MYH7B: variants seen among roughly 807,000 people sequenced by gnomAD.
MYH7B encodes the protein myosin heavy chain 7B.
A neutral mutation model predicts 234.5 loss-of-function variants in MYH7B; 205 were observed. That is an observed-to-expected ratio of 0.87 (90% CI 0.78 to 0.98). The LOEUF (loss-of-function observed/expected upper bound fraction) is 0.98, where lower values mean the gene tolerates loss of function less well. MYH7B is among the 50% of genes least tolerant of loss of function. The probability of loss-of-function intolerance (pLI) is 0.00; values close to 1 mark genes in which losing one functional copy is unlikely to be tolerated. For missense variants in MYH7B, 2,652 were observed against 2,633.4 expected (o/e 1.01, Z -0.15); for synonymous variants, 1,193 against 1,105.0 (o/e 1.08, Z -1.58).
chr20:34,996,436 C>T lies in MYH7B; in HGVS notation c.3034C>T (p.Gln1012Ter). 1.2e-6 allele frequency: 2 copies of T among 1,613,542 alleles called. No homozygotes were observed. The highest frequency in any genetic ancestry group is 1.7e-6 in the Non-Finnish European group (2 of 1,179,926). Residue 1012 changes from glutamine to a stop codon, truncating the protein, a stop_gained, in exon 29 of 45, where the codon CAG becomes TAG. Transcript: ENST00000262873. LOFTEE classifies it high-confidence loss of function. ...GAAGGCGTTGCAGGAGGCCCACCAA[C>T]AGGCCCTGGGTGACCTGCAGGCCGA...
chr20:34,999,560 G>A lies in MYH7B; in HGVS notation c.4541-11G>A. The A allele has an allele frequency of 3.1e-6, 5 of 1,593,938 alleles. No homozygotes were observed. Among genetic ancestry groups the A allele is most frequent in the Non-Finnish European group, 4.3e-6 (5 of 1,170,022 alleles). On this transcript the variant is annotated splice_polypyrimidine_tract_variant and intron_variant, in intron 36 of 44. Coordinates refer to ENST00000262873, the Ensembl canonical transcript of MYH7B. Reference sequence around the variant, plus strand: ...CATGGGGGTGGCCTCTCAGCACCCTGTCCACTGCAGAGGAGATCAGCGACC... The same window carrying A: ...CATGGGGGTGGCCTCTCAGCACCCTATCCACTGCAGAGGAGATCAGCGACC...
chr20:34,976,005 T>G (rs2081849634), intron 3 of MYH7B, among the ~76,000 whole-genome samples: 1 of 152,228 alleles, frequency 6.6e-6, no homozygotes, highest in African/African-American at 2.4e-5. Flanking sequence ...CGTGAGCCAC[T>G]GCGCTTGGCC....
At chr20:34,978,762 C>G (rs1001894100) in intron 5 of MYH7B, among the ~76,000 whole-genome samples, 3 of 152,114 alleles carry the variant, frequency 2.0e-5, no homozygotes, top group Non-Finnish European at 4.4e-5. Flanking sequence ...GGACCCACAT[C>G]GTCATTTTGT....
chr20:35,001,809 G>GTATT, intron 43 of MYH7B, 139 bp from the exon 44 acceptor site: 1 of 1,330,776 alleles, frequency 7.5e-7, no homozygotes, highest in Non-Finnish European at 1.0e-6. Context: ...TCCCGCTGTG[G>GTATT]TATTGGTGAG....
intron 14 of MYH7B, 109 bp from the exon 15 acceptor site, chr20:34,986,777 T>A: frequency 1.2e-6 from 1 of 850,638 alleles, no homozygotes; most frequent in Non-Finnish European, 2.0e-6. Flanking sequence ...GGGAGGGCCC[T>A]AGACTCCTGC....
At chr20:34,988,824 T>A (rs2082084353) in intron 19 of MYH7B, among the ~76,000 whole-genome samples, 1 of 149,624 alleles carries the variant, frequency 6.7e-6, no homozygotes, top group South Asian at 2.1e-4. Flanking sequence ...TTTTTTTTTT[T>A]TTTGAGATGG....
At chr20:34,993,403 A>G in exon 26 of MYH7B, 1 of 1,613,194 alleles carries the variant, frequency 6.2e-7, no homozygotes, top group Non-Finnish European at 8.5e-7. Flanking sequence ...CAAGGTGCTG[A>G]CGCTGCTGCA....
At chr20:34,970,278 G>C (rs2081780486) in intron 2 of MYH7B, among the ~76,000 whole-genome samples, 1 of 152,230 alleles carries the variant, frequency 6.6e-6, no homozygotes, top group Non-Finnish European at 1.5e-5. Flanking sequence ...TCATGGAACT[G>C]TCATCCCAGT....
chr20:34,961,341 G>C (rs768832612), intron 2 of MYH7B, among the ~76,000 whole-genome samples: 1 of 151,814 alleles, frequency 6.6e-6, no homozygotes, highest in Non-Finnish European at 1.5e-5. Context: ...AAAATTAACA[G>C]AACAAATACC....
rs558240803 is a variant in MYH7B, at chr20:34,992,976, C to T, written c.2184-126C>T. 108 of 1,233,312 alleles carry T rather than the reference C, an allele frequency of 8.8e-5. 1 individual carries two copies. Among genetic ancestry groups the T allele is most frequent in the South Asian group, 8.5e-4 (59 of 69,220 alleles). The allele number at this position is 1,233,312 out of a possible 1,614,324, so 76.4% of individuals were successfully genotyped here. ...CCTGCTGGAACCTCTGCACCAGCCT[C>T]GGAGAGGCCCAGGAACGAGTCCCCT... On this transcript the variant is annotated intron_variant, in intron 24 of 44. Transcript: ENST00000262873.
chr20:34,990,331 C>T, intron 22 of MYH7B, 21 bp downstream of exon 22: 1 of 1,613,744 alleles, frequency 6.2e-7, no homozygotes, highest in Non-Finnish European at 8.5e-7. Flanking sequence ...ATCTGGGAGA[C>T]AGACCCTCCC....
chr20:34,993,509 C>T, intron 26 of MYH7B, 39 bp downstream of exon 26: 5 of 1,509,388 alleles, frequency 3.3e-6, no homozygotes, highest in Non-Finnish European at 4.4e-6. Flanking sequence ...GGTGTGTCCC[C>T]TGCCTCTCAG....
Position 34,994,399 on chromosome 20 carries a change from G to A in MYH7B, c.2698G>A (p.Ala900Thr), listed in dbSNP as rs775578324. 1.9e-6 allele frequency: 3 copies of A among 1,573,396 alleles called. No individual in the cohort carries two copies. The African/African-American group carries it at 4.1e-5, about 21-fold the overall frequency. The change falls in exon 27 of 45, where the codon GCT (alanine) becomes ACT (threonine). Residue 900 changes from alanine (A) to threonine (T), a missense_variant and splice_region_variant. Ala to Thr is a moderately conservative substitution (Grantham distance 58). Around this residue, in one of 3 missense-constraint regions of MYH7B, gnomAD observed 2,279 missense variants for 2,211.4 expected, o/e 1.03. Transcript: ENST00000262873. ...GAATGACCTGGCCCTGCAGCTGCAG[G>A]CTGTGAGTCAGGGTTCCCCTTGTGA...
intron 2 of MYH7B, among the ~76,000 whole-genome samples, 149 bp downstream of exon 2, chr20:34,958,361 C>A (rs1388696543): frequency 6.6e-6 from 1 of 152,208 alleles, no homozygotes; most frequent in Non-Finnish European, 1.5e-5. Flanking sequence ...CCTTTCTGCA[C>A]TCTCTGCCTG....
In MYH7B at chr20:34,984,687, C is replaced by T. The variant is rs1390673147; in HGVS notation, c.625-5C>T. On this transcript the variant is annotated splice_polypyrimidine_tract_variant and splice_region_variant and intron_variant, in intron 10 of 44. Transcript: ENST00000262873. ...CCTCTAATGTTGTCTGTCTTCTTCCCCCAGCAATTTCTGGCAACAAAGACG... is the reference window on the plus strand; with the variant it reads ...CCTCTAATGTTGTCTGTCTTCTTCCTCCAGCAATTTCTGGCAACAAAGACG... 6.2e-7 allele frequency: 1 copy of T among 1,604,506 alleles called. No homozygotes were observed. The highest frequency in any genetic ancestry group is 8.5e-7 in the Non-Finnish European group (1 of 1,177,364).
At chr20:34,999,469 G>T in intron 36 of MYH7B, 64 bp downstream of exon 36, 1 of 1,524,302 alleles carries the variant, frequency 6.6e-7, no homozygotes, top group South Asian at 1.3e-5. Context: ...TTGAGTTATG[G>T]GGGTGCCCTG....
At chr20:34,985,596 A>C (rs920078407) in intron 13 of MYH7B, among the ~76,000 whole-genome samples, 3 of 151,746 alleles carry the variant, frequency 2.0e-5, no homozygotes, top group African/African-American at 4.8e-5. Context: ...CACCAGCTGC[A>C]TAGACCCCAG....
rs1236507684 is a variant in MYH7B at position 34,990,394 on chromosome 20, T to A, written c.1977+84T>A. The A allele has an allele frequency of 2.0e-6, 3 of 1,468,836 alleles. No homozygotes were observed. In the Admixed American group the frequency reaches 5.0e-5, roughly 25 times the overall value. 91.0% of individuals were successfully genotyped at this position (1,468,836 alleles called of 1,614,324 possible). A position where few individuals can be genotyped will look rare whatever the true frequency, so the allele number is the denominator to read the frequency against. ...ACCCCCTGCCCTGTCCCCTGTGCCTTGGGCGGGCGGCTGTTAAGACTTGCA... is the reference window on the plus strand; with the variant it reads ...ACCCCCTGCCCTGTCCCCTGTGCCTAGGGCGGGCGGCTGTTAAGACTTGCA... On this transcript the variant is annotated intron_variant, in intron 22 of 44. Coordinates refer to ENST00000262873, the Ensembl canonical transcript of MYH7B.
chr20:34,997,421 G>T, exon 32 of MYH7B: 1 of 1,468,008 alleles, frequency 6.8e-7, no homozygotes, highest in South Asian at 1.4e-5. Context: ...AGCGGGAGGC[G>T]GAGCTGGGGA....
Sources: gnomAD v4.1 joint callset for allele counts (sites outside exome capture counted in the v4.1 genomes callset) on GRCh38, gnomAD v4.1.1 for gene constraint, gnomAD v4.1.1 regional missense constraint, MANE v1.5 for transcripts, NCBI Gene and HGNC (gene_info 2026-07-23, HGNC 2026-07-21) for gene names.